Variants in SLC5A11 observed in about 807,000 individuals in gnomAD.
SLC5A11 encodes the protein solute carrier family 5 member 11.
In SLC5A11, 48 loss-of-function variants were observed where a neutral mutation model predicts 69.8. That is an observed-to-expected ratio of 0.69 (90% CI 0.55 to 0.87). The LOEUF (loss-of-function observed/expected upper bound fraction) is 0.87, where lower values mean the gene tolerates loss of function less well. SLC5A11 is among the 40% of genes least tolerant of loss of function. The pLI is 0.00. For missense variants in SLC5A11, 784 were observed against 866.1 expected, an observed-to-expected ratio of 0.91 and a Z score of 1.19; for synonymous variants, 319 against 342.4, an observed-to-expected ratio of 0.93 and a Z score of 0.75.
intron 3 of SLC5A11, among the ~76,000 whole-genome samples, chr16:24,866,607 A>G (rs1254044480): frequency 6.6e-6 from 1 of 152,076 alleles, no homozygotes; most frequent in African/African-American, 2.4e-5. Flanking sequence ...AATGACTGAA[A>G]GTAAAAGTAA....
At chr16:24,854,832 G>A (rs2059457218) in intron 1 of SLC5A11, among the ~76,000 whole-genome samples, 1 of 152,096 alleles carries the variant, frequency 6.6e-6, no homozygotes, top group Non-Finnish European at 1.5e-5. Flanking sequence ...TCCTGAAGCT[G>A]CCAGAATGCT....
At chr16:24,868,778 CTCTCT>C (rs754724533) in intron 3 of SLC5A11, among the ~76,000 whole-genome samples, 8 of 151,466 alleles carry the variant, frequency 5.3e-5, no homozygotes, top group Non-Finnish European at 1.0e-4. Context: ...ATTCTCTCTC[CTCTCT>C]TCTCTTCCTT....
chr16:24,900,117 C>T (rs910683369), intron 10 of SLC5A11, among the ~76,000 whole-genome samples: 4 of 151,996 alleles, frequency 2.6e-5, no homozygotes, highest in Non-Finnish European at 2.9e-5. Flanking sequence ...TAAATGATAC[C>T]GAGGAGGGGC....
At chr16:24,857,567 G>A (rs2059588824) in intron 1 of SLC5A11, among the ~76,000 whole-genome samples, 1 of 152,152 alleles carries the variant, frequency 6.6e-6, no homozygotes, top group African/African-American at 2.4e-5. Context: ...CCAGTTCCTA[G>A]AAGCCACCTG....
chr16:24,882,109 T>C (rs1314011907), intron 7 of SLC5A11, among the ~76,000 whole-genome samples: 1 of 152,034 alleles, frequency 6.6e-6, no homozygotes, highest in Non-Finnish European at 1.5e-5. Flanking sequence ...TGTTTGGAGG[T>C]CTGTGTCCCC....
intron 10 of SLC5A11, among the ~76,000 whole-genome samples, chr16:24,901,958 G>GCGCACACA (rs976595625): frequency 6.0e-4 from 82 of 136,678 alleles, no homozygotes; most frequent in African/African-American, 2.1e-3. Flanking sequence ...ACACACACAC[G>GCGCACACA]CACACACACA....
intron 9 of SLC5A11, among the ~76,000 whole-genome samples, chr16:24,894,532 T>G (rs1379458233): frequency 6.6e-6 from 1 of 152,170 alleles, no homozygotes; most frequent in African/African-American, 2.4e-5. Context: ...CTGGGCACAG[T>G]GGTTCACGCC....
chr16:24,858,561 AAAGG>A, intron 1 of SLC5A11, 55 bp from the exon 3 acceptor site: 2 of 1,492,610 alleles, frequency 1.3e-6, no homozygotes, highest in East Asian at 2.3e-5. Flanking sequence ...GTAGCTACAG[AAAGG>A]GTGAGAAGAA....
chr16:24,872,870 G>A (rs180707230), intron 5 of SLC5A11, among the ~76,000 whole-genome samples: 1 of 141,560 alleles, frequency 7.1e-6, no homozygotes, highest in East Asian at 2.4e-4. Flanking sequence ...AAAGTATATA[G>A]CTTATGCCTG....
At chr16:24,855,434 C>CAAAA (rs143252263) in intron 1 of SLC5A11, among the ~76,000 whole-genome samples, 3 of 90,112 alleles carry the variant, frequency 3.3e-5, no homozygotes, top group Non-Finnish European at 5.2e-5. Flanking sequence ...TTCATCTCTA[C>CAAAA]AAAAAAAAAA....
chr16:24,909,643 C>CAAAA (rs35334841), intron 14 of SLC5A11, among the ~76,000 whole-genome samples: 10 of 48,880 alleles, frequency 2.0e-4, no homozygotes, highest in Non-Finnish European at 2.8e-4. Flanking sequence ...CCCTGTCTCA[C>CAAAA]AAAAAAAAAA....
At chr16:24,884,551 A>G (rs1020744832) in intron 8 of SLC5A11, among the ~76,000 whole-genome samples, 4 of 122,222 alleles carry the variant, frequency 3.3e-5, no homozygotes, top group Middle Eastern at 7.0e-3. Flanking sequence ...GAGTCTCACT[A>G]TGTTGCCCAG....
chr16:24,907,066 A>C, exon 12 of SLC5A11: 1 of 1,614,046 alleles, frequency 6.2e-7, no homozygotes. Flanking sequence ...GGCGGCTCTC[A>C]TGTCCTCCCT....
intron 8 of SLC5A11, among the ~76,000 whole-genome samples, chr16:24,886,023 AC>A: frequency 6.7e-6 from 1 of 149,764 alleles, no homozygotes; most frequent in South Asian, 2.1e-4. Flanking sequence ...CAGGATGAAA[AC>A]AAATAGGAGT....
intron 1 of SLC5A11, among the ~76,000 whole-genome samples, chr16:24,849,302 T>C (rs1446542610): frequency 6.6e-6 from 1 of 151,996 alleles, no homozygotes; most frequent in Non-Finnish European, 1.5e-5. Context: ...GCACGGTGGC[T>C]CACGCCTGTA....
At chr16:24,896,721 G>A (rs1250621445) in intron 9 of SLC5A11, among the ~76,000 whole-genome samples, 3 of 152,144 alleles carry the variant, frequency 2.0e-5, no homozygotes, top group Non-Finnish European at 2.9e-5. Flanking sequence ...AGGTCAGATA[G>A]GCGGGAAGTG....
intron 14 of SLC5A11, among the ~76,000 whole-genome samples, chr16:24,909,829 TAAAAAAAAA>T (rs3050359): frequency 4.9e-4 from 51 of 103,926 alleles, no homozygotes; most frequent in East Asian, 7.9e-4. Context: ...AGCCTGTCTT[TAAAAAAAAA>T]AAAAAAAAAA....
intron 10 of SLC5A11, among the ~76,000 whole-genome samples, chr16:24,901,160 T>C (rs914686972): frequency 1.3e-5 from 2 of 152,136 alleles, no homozygotes; most frequent in Non-Finnish European, 2.9e-5. Flanking sequence ...GGTAATATTT[T>C]ACAAGGCTTA....
At chr16:24,891,781 G>A (rs2152374661) in intron 9 of SLC5A11, among the ~76,000 whole-genome samples, 1 of 152,232 alleles carries the variant, frequency 6.6e-6, no homozygotes, top group East Asian at 1.9e-4. Flanking sequence ...AAAATCAGGA[G>A]CTAATAAATC....
Sources: gnomAD v4.1 joint callset for allele counts (sites outside exome capture counted in the v4.1 genomes callset) on GRCh38, gnomAD v4.1.1 for gene constraint, MANE v1.5 for transcripts, NCBI Gene and HGNC (gene_info 2026-07-23, HGNC 2026-07-21) for gene names.